RNF111: variants seen among roughly 807,000 people sequenced by gnomAD.
The protein encoded by RNF111 is E3 ubiquitin-protein ligase Arkadia.
RNF111 carries 17 observed loss-of-function variants against 95.1 expected under a neutral mutation model. The ratio of observed to expected loss-of-function variants is 0.18; its 90% CI spans 0.12 to 0.27. The LOEUF is 0.27. Among genes scored for constraint, RNF111 ranks in the 10% least tolerant of loss-of-function variants. The pLI, the probability that RNF111 is intolerant of heterozygous loss-of-function variation, is 1.00. For synonymous variants in RNF111, 440 were observed against 414.8 expected (o/e 1.06, Z -0.74); for missense variants, 1,189 against 1,210.4 (o/e 0.98, Z 0.26).
chr15:58,989,870 CCTTCT>C (rs1486896347), intron 1 of RNF111, among the ~76,000 whole-genome samples: 1 of 145,722 alleles, frequency 6.9e-6, no homozygotes, highest in Non-Finnish European at 1.5e-5. Context: ...TTAGATGTTT[CCTTCT>C]TTTTTTTTTT....
chr15:59,056,500 C>T (rs1478989544), intron 4 of RNF111, among the ~76,000 whole-genome samples: 2 of 151,980 alleles, frequency 1.3e-5, no homozygotes, highest in African/African-American at 4.8e-5. Context: ...CATAATTTCC[C>T]AAAAGGAAAA....
chr15:59,029,102 G>C lies in RNF111; in HGVS notation c.-19-1702G>C, dbSNP rs183589371. Among the ~76,000 whole-genome samples, 9 of 152,136 alleles carry C rather than the reference G, an allele frequency of 5.9e-5. No homozygotes were observed. The East Asian group carries it at 1.7e-3, about 29-fold the overall frequency. On this transcript the variant is annotated intron_variant, in intron 1 of 13. Transcript: ENST00000348370. Reference sequence around the variant, plus strand: ...GCTTGTATTTAATTTTTGAGGATCTGCTAGACCGCTTCCCAAAGTAGCTTG... The same window carrying C: ...GCTTGTATTTAATTTTTGAGGATCTCCTAGACCGCTTCCCAAAGTAGCTTG...
intron 2 of RNF111, among the ~76,000 whole-genome samples, chr15:59,043,205 A>G: frequency 6.7e-6 from 1 of 150,284 alleles, no homozygotes; most frequent in East Asian, 1.9e-4. Flanking sequence ...CCCAGGCTGG[A>G]GTGCAGTGGT....
chr15:59,030,889 C>T lies in RNF111; in HGVS notation c.67C>T (p.Pro23Ser). The change falls in exon 2 of 14, where the codon CCT becomes TCT. Residue 23 changes from proline to serine, a missense_variant. Coordinates refer to ENST00000348370, the MANE Select transcript of RNF111 (RefSeq NM_017610.8). Reference protein sequence around the residue: ...TLKVDMKSEIPSDAPKTQESL... With the variant: ...TLKVDMKSEISSDAPKTQESL... ...AAAAGTGGATATGAAGAGTGAGATT[C>T]CTTCTGATGCACCAAAGACACAGGA... The T allele has an allele frequency of 6.2e-7, 1 of 1,614,110 alleles. No individual in the cohort carries two copies. Among genetic ancestry groups the T allele is most frequent in the East Asian group, 2.2e-5 (1 of 44,888 alleles).
In RNF111 at chr15:59,030,903, A is replaced by G. The variant is rs1286795311; in HGVS notation, c.81A>G (p.Pro27=). 7.4e-6 allele frequency: 12 copies of G among 1,614,126 alleles called. No individual in the cohort carries two copies. The highest frequency in any genetic ancestry group is 9.3e-6 in the Non-Finnish European group (11 of 1,180,036). The change falls in exon 2 of 14, where the codon CCA becomes CCG. Residue 27 remains proline, a synonymous_variant. Coordinates refer to ENST00000348370, the MANE Select transcript of RNF111 (RefSeq NM_017610.8). ...AGAGTGAGATTCCTTCTGATGCACC[A>G]AAGACACAGGAGAGTCTGAAAGGGA... ...DMKSEIPSDA[P]KTQESLKGIL...
chr15:59,023,736 C>A (rs917575188), intron 1 of RNF111, among the ~76,000 whole-genome samples: 3 of 151,842 alleles, frequency 2.0e-5, no homozygotes, highest in Admixed American at 1.3e-4. Flanking sequence ...TCCTTTTTTT[C>A]TTCCAGATTT....
intron 1 of RNF111, among the ~76,000 whole-genome samples, chr15:59,028,214 A>G (rs2040722380): frequency 6.6e-6 from 1 of 152,154 alleles, no homozygotes; most frequent in South Asian, 2.1e-4. Context: ...CCTATTCCAG[A>G]CATTCCATAT....
At chr15:58,994,592 C>G (rs2038967002) in intron 1 of RNF111, among the ~76,000 whole-genome samples, 1 of 149,734 alleles carries the variant, frequency 6.7e-6, no homozygotes, top group South Asian at 2.1e-4. Flanking sequence ...ATTCTCCTAC[C>G]TCAGCCTCCT....
At chr15:59,071,551 G>A (rs1472360563) in intron 6 of RNF111, among the ~76,000 whole-genome samples, 1 of 151,802 alleles carries the variant, frequency 6.6e-6, no homozygotes, top group African/African-American at 2.4e-5. Flanking sequence ...AAATTAGCTG[G>A]GCGTGGGGTC....
At chr15:59,089,810 T>A (rs1596314177) in intron 11 of RNF111, 51 bp downstream of exon 11, 1 of 1,249,828 alleles carries the variant, frequency 8.0e-7, no homozygotes, top group East Asian at 2.3e-5. Flanking sequence ...TTAATGCAGA[T>A]TGAGTATATA....
Position 59,085,923 on chromosome 15 carries a change from TA to T in RNF111, c.2550+143del. 1.4e-5 allele frequency: 11 copies of T among 764,648 alleles called. No homozygotes were observed. The South Asian group carries it at 1.9e-4, about 13-fold the overall frequency. The allele number at this position is 764,648 out of a possible 1,614,324, so 47.4% of individuals were successfully genotyped here. A position where few individuals can be genotyped will look rare whatever the true frequency, so the allele number is the denominator to read the frequency against. Reference sequence around the variant, plus strand: ...AATCTTGTTAGCTAAAATTGTGCTATAAAAAGGTATTAGATGTATTAAAATC... The same window carrying T: ...AATCTTGTTAGCTAAAATTGTGCTATAAAAGGTATTAGATGTATTAAAATC... On this transcript the variant is annotated intron_variant, in intron 10 of 13. Coordinates refer to ENST00000348370, the MANE Select transcript of RNF111 (RefSeq NM_017610.8).
At chr15:59,083,937 G>A (rs1471162583) in intron 8 of RNF111, 192 bp from the exon 9 acceptor site, 4 of 338,674 alleles carry the variant, frequency 1.2e-5, no homozygotes, top group Non-Finnish European at 1.9e-5. Flanking sequence ...TAGAATTTAT[G>A]GAGAAGGTGA....
At chr15:59,026,009 C>T (rs1413674845) in intron 1 of RNF111, among the ~76,000 whole-genome samples, 3 of 151,182 alleles carry the variant, frequency 2.0e-5, no homozygotes, top group South Asian at 2.1e-4. Flanking sequence ...GGATTACAGG[C>T]GTGAGCCACT....
chr15:59,078,866 G>GA (rs58594305), intron 7 of RNF111, among the ~76,000 whole-genome samples: 1,889 of 103,878 alleles, frequency 0.018, 34 homozygotes, highest in African/African-American at 0.036. Context: ...CTCAAAAGAA[G>GA]AAAAAAAAAA....
At chr15:59,056,712 T>C (rs2042214010) in intron 4 of RNF111, among the ~76,000 whole-genome samples, 1 of 152,148 alleles carries the variant, frequency 6.6e-6, no homozygotes, top group Non-Finnish European at 1.5e-5. Flanking sequence ...ATAACAACTG[T>C]TTGCATTTCA....
At chr15:59,006,318 T>G (rs770995075) in intron 1 of RNF111, among the ~76,000 whole-genome samples, 9 of 152,220 alleles carry the variant, frequency 5.9e-5, no homozygotes, top group Non-Finnish European at 1.3e-4. Flanking sequence ...ACATAAAACA[T>G]TCCATCACTC....
chr15:59,095,774 G>T lies in RNF111; in HGVS notation c.*874G>T. ...AAATTGAAAAAGACATGTAGAATTT[G>T]TTGTCTTCTGCTAAGCACGAAAAGT... is the stretch of plus-strand genomic sequence containing the variant. On this transcript the variant is annotated 3_prime_UTR_variant, in exon 14 of 14. Coordinates refer to ENST00000348370, the MANE Select transcript of RNF111 (RefSeq NM_017610.8). 1 of 375,306 alleles carries T rather than the reference G, an allele frequency of 2.7e-6. No individual in the cohort carries two copies. Among genetic ancestry groups the T allele is most frequent in the East Asian group, 3.8e-5 (1 of 26,044 alleles). 23.2% of individuals were successfully genotyped at this position (375,306 alleles called of 1,614,324 possible).
intron 4 of RNF111, among the ~76,000 whole-genome samples, chr15:59,057,546 C>T (rs1287672701): frequency 6.6e-6 from 1 of 152,112 alleles, no homozygotes; most frequent in South Asian, 2.1e-4. Flanking sequence ...CTACCGTTCT[C>T]AATTTTAAGC....
At chr15:59,055,202 A>AT (rs1233891681) in intron 3 of RNF111, among the ~76,000 whole-genome samples, 4 of 151,970 alleles carry the variant, frequency 2.6e-5, no homozygotes, top group East Asian at 1.9e-4. Flanking sequence ...GTGCCTGTTT[A>AT]TTTTTTTTGT....
Sources: gnomAD v4.1 joint callset for allele counts (sites outside exome capture counted in the v4.1 genomes callset) on GRCh38, gnomAD v4.1.1 for gene constraint, MANE v1.5 for transcripts, NCBI Gene and HGNC (gene_info 2026-07-23, HGNC 2026-07-21) for gene names.